Variants in ZNF814 observed in about 807,000 individuals in gnomAD.
ZNF814 encodes the protein zinc finger protein 814.
Under a neutral mutation model 7.5 loss-of-function variants are expected in ZNF814, and 5 were observed. The observed-to-expected ratio is 0.67, with a 90% CI of 0.35 to 1.40. The LOEUF (loss-of-function observed/expected upper bound fraction) is 1.40, where lower values mean the gene tolerates loss of function less well. Ranked by LOEUF, ZNF814 falls within the 40% of genes most tolerant of loss-of-function variation. The probability of loss-of-function intolerance (pLI) is 0.04; values close to 1 mark genes in which losing one functional copy is unlikely to be tolerated. For missense variants in ZNF814, 962 were observed against 1,018.0 expected (o/e 0.94, Z 0.75); for synonymous variants, 315 against 340.7 (o/e 0.92, Z 0.83).
Position 57,874,810 on chromosome 19 carries a change from C to A in ZNF814, c.580G>T (p.Gly194Trp), listed in dbSNP as rs371696983. 3.0e-5 allele frequency: 49 copies of A among 1,614,142 alleles called. No individual in the cohort carries two copies. In the African/African-American group the frequency reaches 5.7e-4, roughly 19 times the overall value. ...GLLQQEASHT[G>W]EKSNSKTECV... Reference sequence around the variant, plus strand: ...TCAGTTTTGCTGTTTGACTTCTCCCCAGTGTGACTGGCCTCCTGCTGGAGT... The same window carrying A: ...TCAGTTTTGCTGTTTGACTTCTCCCAAGTGTGACTGGCCTCCTGCTGGAGT... Residue 194 changes from glycine to tryptophan, a missense_variant, in exon 3 of 3, where the codon GGG becomes TGG. Coordinates refer to ENST00000435989, the MANE Select transcript of ZNF814 (RefSeq NM_001144989.2).
In ZNF814 at chr19:57,872,920, C is replaced by T. The variant is rs1568516448; in HGVS notation, c.2470G>A (p.Gly824Arg). Residue 824 changes from glycine (G) to arginine (R), a missense_variant, in exon 3 of 3, where the codon GGA (glycine) becomes AGA (arginine). Coordinates refer to ENST00000435989, the MANE Select transcript of ZNF814 (RefSeq NM_001144989.2). ...TTCTCACATTTATAAGGCTTTTCTC[C>T]AGTGTGAACTCTCTTGTGTTTAGTG... ...SLTKHKRVHT[G>R]EKPYKCEKCG... The T allele has an allele frequency of 1.2e-6, 2 of 1,613,308 alleles. No individual in the cohort carries two copies. The highest frequency in any genetic ancestry group is 1.3e-5 in the African/African-American group (1 of 74,744).
chr19:57,875,308 T>G, intron 2 of ZNF814, 82 bp from the exon 3 acceptor site: 1 of 1,606,004 alleles, frequency 6.2e-7, no homozygotes, highest in Non-Finnish European at 8.5e-7. Context: ...TCTGAAAAAC[T>G]GAGGAATTAC....
At chr19:57,878,038 C>A (rs1270984730) in intron 1 of ZNF814, among the ~76,000 whole-genome samples, 2 of 151,520 alleles carry the variant, frequency 1.3e-5, no homozygotes, top group Non-Finnish European at 2.9e-5. Context: ...TGGTGTCGGG[C>A]GCCTGTGATC....
chr19:57,888,827 T>C lies in ZNF814; in HGVS notation c.-25A>G. On this transcript the variant is annotated 5_prime_UTR_variant, in exon 1 of 3. Coordinates refer to ENST00000435989, the MANE Select transcript of ZNF814 (RefSeq NM_001144989.2). Reference sequence around the variant, plus strand: ...TCGAACCACGTGGTTTTAAGCAGAGTCGGGAGGATAGGGCGACCAGCCAGG... The same window carrying C: ...TCGAACCACGTGGTTTTAAGCAGAGCCGGGAGGATAGGGCGACCAGCCAGG... 1 of 1,551,016 alleles carries C rather than the reference T, an allele frequency of 6.4e-7. No homozygotes were observed. Among genetic ancestry groups the C allele is most frequent in the African/African-American group, 1.4e-5 (1 of 72,900 alleles).
In ZNF814 at chr19:57,874,811, A is replaced by C; in HGVS notation, c.579T>G (p.Thr193=). Residue 193 remains threonine, a synonymous_variant, in exon 3 of 3, where the codon ACT becomes ACG. Coordinates refer to ENST00000435989, the MANE Select transcript of ZNF814 (RefSeq NM_001144989.2). ...CAGTTTTGCTGTTTGACTTCTCCCC[A>C]GTGTGACTGGCCTCCTGCTGGAGTA... The part of the protein sequence containing the change: ...SGLLQQEASH[T]GEKSNSKTEC... 6.2e-7 allele frequency: 1 copy of C among 1,614,156 alleles called. No homozygotes were observed. Among genetic ancestry groups the C allele is most frequent in the South Asian group, 1.1e-5 (1 of 91,080 alleles).
chr19:57,892,342 T>C (rs2071738617), upstream of ZNF814, among the ~76,000 whole-genome samples: 1 of 152,186 alleles, frequency 6.6e-6, no homozygotes, highest in African/African-American at 2.4e-5. Flanking sequence ...AGATAAAGAA[T>C]GAGATTGGTT....
the ZNF814 span, among the ~76,000 whole-genome samples, chr19:57,898,181 A>G: frequency 2.2e-3 from 336 of 152,340 alleles, 1 homozygote; most frequent in Middle Eastern, 0.01. Context: ...AGTTTTTCAA[A>G]GTTCCTTAAT....
At chr19:57,885,528 G>A (rs975312133) in intron 1 of ZNF814, among the ~76,000 whole-genome samples, 3 of 151,128 alleles carry the variant, frequency 2.0e-5, no homozygotes, top group Non-Finnish European at 4.4e-5. Flanking sequence ...TACTCCAGAG[G>A]CTGAGGCAGG....
chr19:57,869,705 GAGGCTGAGGC>G lies in ZNF814; in HGVS notation c.*3107_*3116del, dbSNP rs1291636733. ...CACACCTGTATTCCCACCACTCTGG[GAGGCTGAGGC>G]AGGCATATCACCTGAGGTCAGGAGT... On this transcript the variant is annotated 3_prime_UTR_variant, in exon 3 of 3. Coordinates refer to ENST00000435989, the MANE Select transcript of ZNF814 (RefSeq NM_001144989.2). 6.6e-6 allele frequency: 1 copy of G among 152,176 alleles called. No homozygotes were observed. Among genetic ancestry groups the G allele is most frequent in the Non-Finnish European group, 1.5e-5 (1 of 68,038 alleles). The allele number at this position is 152,176 out of a possible 1,614,324, so 9.4% of individuals were successfully genotyped here.
At chr19:57,901,913 C>G in the ZNF814 span, among the ~76,000 whole-genome samples, 1 of 152,134 alleles carries the variant, frequency 6.6e-6, no homozygotes, top group Non-Finnish European at 1.5e-5. Flanking sequence ...ATGACAGAAC[C>G]TCGATGCCTG....
intron 1 of ZNF814, chr19:57,886,091 T>TA (rs903575618): frequency 1.1e-4 from 16 of 149,966 alleles, no homozygotes; most frequent in Admixed American, 6.6e-5. Flanking sequence ...AAATAAAAAA[T>TA]AAAGAGTCCC....
In ZNF814 at chr19:57,872,804, TTC is replaced by T. The variant is rs761697430; in HGVS notation, c.*16_*17del. ...GAGGTGGTCCTTCTTGCTAAAAACT[TTC>T]TGACAATCCTCACACTCATATGGCT... is the stretch of plus-strand genomic sequence containing the variant. On this transcript the variant is annotated 3_prime_UTR_variant, in exon 3 of 3. Coordinates refer to ENST00000435989, the MANE Select transcript of ZNF814 (RefSeq NM_001144989.2). 142 of 1,607,552 alleles carry T rather than the reference TTC, an allele frequency of 8.8e-5. No homozygotes were observed. The highest frequency in any genetic ancestry group is 1.2e-4 in the African/African-American group (9 of 74,592).
intron 1 of ZNF814, 144 bp downstream of exon 1, chr19:57,888,623 G>A (rs554271512): frequency 8.1e-6 from 8 of 984,920 alleles, no homozygotes; most frequent in Non-Finnish European, 1.2e-5. Flanking sequence ...CATCCCACGG[G>A]TGTCAGAAAT....
chr19:57,896,043 C>T, the ZNF814 span, among the ~76,000 whole-genome samples: 6 of 152,064 alleles, frequency 3.9e-5, no homozygotes, highest in Non-Finnish European at 5.9e-5. This position sits in a 1 kb window ranked among gnomAD's most constrained non-coding sequence, Gnocchi z 4.2. Flanking sequence ...CTCGAACAAA[C>T]GATTTTTAGC....
the ZNF814 span, among the ~76,000 whole-genome samples, chr19:57,902,038 A>G: frequency 6.6e-6 from 1 of 152,178 alleles, no homozygotes; most frequent in Non-Finnish European, 1.5e-5. Context: ...GGATGCTTAC[A>G]AATTGGCACA....
At chr19:57,882,952 A>G (rs538559378) in intron 1 of ZNF814, among the ~76,000 whole-genome samples, 305 of 152,336 alleles carry the variant, frequency 2.0e-3, no homozygotes, top group Middle Eastern at 3.4e-3. Flanking sequence ...ACAGAGATAC[A>G]TGACCTTTCA....
intron 1 of ZNF814, 114 bp downstream of exon 1, chr19:57,888,653 C>T (rs2071713389): frequency 7.4e-7 from 1 of 1,355,176 alleles, no homozygotes. Context: ...CCCGCAAGCG[C>T]CTCAGTGTCC....
intron 2 of ZNF814, among the ~76,000 whole-genome samples, chr19:57,876,023 CGA>C (rs937377429): frequency 5.7e-5 from 7 of 122,072 alleles, no homozygotes; most frequent in Admixed American, 3.2e-4. Flanking sequence ...TGCAGTGGTG[CGA>C]TCTGGGCTCA....
chr19:57,873,592 C>G lies in ZNF814; in HGVS notation c.1798G>C (p.Gly600Arg), dbSNP rs747044779. 5 of 1,613,682 alleles carry G rather than the reference C, an allele frequency of 3.1e-6. No individual in the cohort carries two copies. Among genetic ancestry groups the G allele is most frequent in the Non-Finnish European group, 4.2e-6 (5 of 1,179,960 alleles). ...HLRSHQRVHT[G>R]ERPYECGECG... ...TCTCCACACTCATAAGGCCTCTCTC[C>G]AGTATGAACGCGCTGATGGCTCCTA... The change falls in exon 3 of 3, where the codon GGA (glycine) becomes CGA (arginine). Residue 600 changes from glycine to arginine, a missense_variant. By Grantham distance (125) the Gly-to-Arg change is moderately radical. Transcript: ENST00000435989.
Sources: gnomAD v4.1 joint callset for allele counts (sites outside exome capture counted in the v4.1 genomes callset) on GRCh38, gnomAD v4.1.1 for gene constraint, Gnocchi (gnomAD v3.1) non-coding constraint, MANE v1.5 for transcripts, NCBI Gene and HGNC (gene_info 2026-07-23, HGNC 2026-07-21) for gene names.